EIF3A: variants seen among roughly 807,000 people sequenced by gnomAD.
EIF3A encodes the protein EIF3, p180 subunit.
EIF3A carries 21 observed loss-of-function variants against 186.6 expected under a neutral mutation model. That is an observed-to-expected ratio of 0.11 (90% CI 0.08 to 0.16). EIF3A has a LOEUF of 0.16. Ranked by LOEUF, EIF3A falls within the 10% of genes least tolerant of loss-of-function variation. The pLI is 1.00. For synonymous variants in EIF3A, 563 were observed against 584.3 expected (o/e 0.96, Z 0.52); for missense variants, 1,306 against 1,796.3 (o/e 0.73, Z 4.93).
At chr10:119,078,984 GACTGTAAA>G (rs1844219909) in intron 1 of EIF3A, among the ~76,000 whole-genome samples, 1 of 152,102 alleles carries the variant, frequency 6.6e-6, no homozygotes, top group Non-Finnish European at 1.5e-5. Context: ...GCATGCAAAT[GACTGTAAA>G]ACATCGACAA....
At chr10:119,053,573 A>G (rs989641594) in intron 14 of EIF3A, among the ~76,000 whole-genome samples, 1 of 151,700 alleles carries the variant, frequency 6.6e-6, no homozygotes, top group Non-Finnish European at 1.5e-5. Context: ...AAAAAAAAAA[A>G]AAAAAGCTAG....
At chr10:119,059,921 C>G (rs1006163805) in intron 9 of EIF3A, 8 of 615,470 alleles carry the variant, frequency 1.3e-5, no homozygotes, top group Non-Finnish European at 2.3e-5. Context: ...TTCCTCAAAC[C>G]TATAATCTTT....
intron 2 of EIF3A, 78 bp from the exon 3 acceptor site, chr10:119,073,655 G>A: frequency 6.4e-7 from 1 of 1,571,118 alleles, no homozygotes; most frequent in Non-Finnish European, 8.6e-7. Flanking sequence ...AAATTTTTAA[G>A]AGAAATACAA....
intron 1 of EIF3A, 127 bp from the exon 2 acceptor site, chr10:119,074,064 G>T: frequency 1.3e-6 from 1 of 760,562 alleles, no homozygotes; most frequent in Non-Finnish European, 2.0e-6. Flanking sequence ...ATTTATTTTT[G>T]ACTTCTAAAG....
In EIF3A at chr10:119,059,726, G is replaced by T; in HGVS notation, c.1327-8C>A. On this transcript the variant is annotated splice_region_variant and splice_polypyrimidine_tract_variant and intron_variant, in intron 9 of 21. Coordinates refer to ENST00000369144, the MANE Select transcript of EIF3A (RefSeq NM_003750.4). ...CTGATAAATCTGTGACACCTGCATAGAAAACAAAGGGTTAATAACACTAGC... is the reference window on the plus strand; with the variant it reads ...CTGATAAATCTGTGACACCTGCATATAAAACAAAGGGTTAATAACACTAGC... 1.9e-6 allele frequency: 3 copies of T among 1,571,210 alleles called. No homozygotes were observed. Among genetic ancestry groups the T allele is most frequent in the Middle Eastern group, 1.7e-4 (1 of 5,962 alleles).
chr10:119,080,494 C>G, intron 1 of EIF3A, 134 bp downstream of exon 1: 1 of 1,397,626 alleles, frequency 7.2e-7, no homozygotes, highest in Non-Finnish European at 9.2e-7. Context: ...CCGGCTGGGA[C>G]AGCGGCGGGC....
At chr10:119,065,166 T>G (rs1843950789) in intron 7 of EIF3A, among the ~76,000 whole-genome samples, 1 of 152,122 alleles carries the variant, frequency 6.6e-6, no homozygotes, top group African/African-American at 2.4e-5. Context: ...CCCACGGTAT[T>G]CCCCAGAGCC....
rs1273949158 is a variant in EIF3A, at chr10:119,035,053, GTATTT to G, written c.*981_*985del. 6.6e-6 allele frequency: 1 copy of G among 152,568 alleles called. No individual in the cohort carries two copies. The highest frequency in any genetic ancestry group is 2.4e-5 in the African/African-American group (1 of 41,430). The allele number at this position is 152,568 out of a possible 1,614,324, so 9.5% of individuals were successfully genotyped here. A position where few individuals can be genotyped will look rare whatever the true frequency, so the allele number is the denominator to read the frequency against. On this transcript the variant is annotated 3_prime_UTR_variant, in exon 22 of 22. Coordinates refer to ENST00000369144, the MANE Select transcript of EIF3A (RefSeq NM_003750.4). ...ATCAACACTAAAACAAATTCTGTAA[GTATTT>G]TATTTATCACTGAAGAAAAAACACA...
chr10:119,071,752 G>A (rs577400168), intron 4 of EIF3A, among the ~76,000 whole-genome samples: 4 of 152,232 alleles, frequency 2.6e-5, no homozygotes, highest in African/African-American at 4.8e-5. Flanking sequence ...TCAGCTGGGC[G>A]CGATGGCTCA....
Position 119,073,590 on chromosome 10 carries a change from A to C in EIF3A, c.241-13T>G. 6.2e-7 allele frequency: 1 copy of C among 1,605,938 alleles called. No homozygotes were observed. The highest frequency in any genetic ancestry group is 1.1e-5 in the South Asian group (1 of 89,682). ...ATTTTATGTTCACCTAATCCAAAAAAACAAAAACTCTTCAGAACTTATTTT... is the reference window on the plus strand; with the variant it reads ...ATTTTATGTTCACCTAATCCAAAAACACAAAAACTCTTCAGAACTTATTTT... On this transcript the variant is annotated splice_polypyrimidine_tract_variant and intron_variant, in intron 2 of 21. Transcript: ENST00000369144.
At chr10:119,056,456 A>G (rs1399991131) in intron 14 of EIF3A, among the ~76,000 whole-genome samples, 1 of 152,206 alleles carries the variant, frequency 6.6e-6, no homozygotes, top group Non-Finnish European at 1.5e-5. Context: ...AGTAAAATGA[A>G]AACTATGAGA....
chr10:119,062,500 C>G (rs1403170714), intron 7 of EIF3A, among the ~76,000 whole-genome samples: 1 of 152,142 alleles, frequency 6.6e-6, no homozygotes, highest in African/African-American at 2.4e-5. Context: ...TGCCTCTTGG[C>G]AGTCAGCTAA....
In EIF3A at chr10:119,038,442, G is replaced by GT. The variant is rs751918428; in HGVS notation, c.3527-4dup. ...TTTTTCTTTCTCTCTCCATCCACCT[G>GT]TTTTTTTGAAAAAGCAAAACATTTT... On this transcript the variant is annotated splice_region_variant and splice_polypyrimidine_tract_variant and intron_variant, in intron 19 of 21. Coordinates refer to ENST00000369144, the MANE Select transcript of EIF3A (RefSeq NM_003750.4). 5.0e-6 allele frequency: 8 copies of GT among 1,591,262 alleles called. No homozygotes were observed. In the East Asian group the frequency reaches 1.1e-4, roughly 22 times the overall value.
In EIF3A at chr10:119,073,602, TCAGAACTTATTTTTC is replaced by T. The variant is rs542395957; in HGVS notation, c.241-40_241-26del. The T allele has an allele frequency of 2.2e-3, 3,602 of 1,604,648 alleles. 80 individuals are homozygous for T. Among genetic ancestry groups the T allele is most frequent in the Non-Finnish European group, 2.4e-4 (286 of 1,176,388 alleles). On this transcript the variant is annotated intron_variant, in intron 2 of 21. Transcript: ENST00000369144. ...CCTAATCCAAAAAAACAAAAACTCTTCAGAACTTATTTTTCCATTGAACCATAAGATGTTTTAAAG... is the reference window on the plus strand; with the variant it reads ...CCTAATCCAAAAAAACAAAAACTCTTCATTGAACCATAAGATGTTTTAAAG...
chr10:119,039,158 A>G (rs1039848674), intron 19 of EIF3A, among the ~76,000 whole-genome samples: 1 of 152,180 alleles, frequency 6.6e-6, no homozygotes, highest in African/African-American at 2.4e-5. Flanking sequence ...CAAGCCCTTC[A>G]TATCCAAAAA....
Position 119,074,825 on chromosome 10 carries a change from G to A in EIF3A, c.50-888C>T, listed in dbSNP as rs7907830. ...GTGCATGCCTGCGGAGGCTGAGGCA[G>A]GGGAATTACATGAACCTGGGAGGCA... On this transcript the variant is annotated intron_variant, in intron 1 of 21. Transcript: ENST00000369144. Among the ~76,000 whole-genome samples, 1,425 of 149,530 alleles carry A rather than the reference G, an allele frequency of 9.5e-3. 16 individuals are homozygous for A. The highest frequency in any genetic ancestry group is 0.033 in the African/African-American group (1,333 of 40,428).
chr10:119,067,782 A>G (rs140864911), intron 6 of EIF3A, among the ~76,000 whole-genome samples: 1,641 of 152,226 alleles, frequency 0.011, 20 homozygotes, highest in African/African-American at 0.036. Context: ...ATACAAGAAA[A>G]CAGGTGGTAT....
chr10:119,039,103 TTC>T (rs952187538), intron 19 of EIF3A, among the ~76,000 whole-genome samples: 5 of 152,202 alleles, frequency 3.3e-5, no homozygotes, highest in South Asian at 4.1e-4. Context: ...TTCAAGAGTT[TTC>T]TCTGAGTCCC....
intron 1 of EIF3A, among the ~76,000 whole-genome samples, chr10:119,074,142 T>C (rs1296793730): frequency 1.7e-4 from 1 of 5,956 alleles, no homozygotes; most frequent in Non-Finnish European, 4.9e-3. Flanking sequence ...GATCTACAAG[T>C]AAAACTGAAT....
Sources: allele counts gnomAD v4.1 joint callset (sites outside exome capture counted in the v4.1 genomes callset), GRCh38; gene constraint gnomAD v4.1.1; transcripts MANE v1.5; gene names NCBI Gene and HGNC (gene_info 2026-07-23, HGNC 2026-07-21).